The following CRIM1 variants were observed in gnomAD, a reference collection of about 807,000 sequenced individuals.
The protein encoded by CRIM1 is cysteine rich transmembrane BMP regulator 1.
In CRIM1, 32 loss-of-function variants were observed where a neutral mutation model predicts 116.4. The observed-to-expected ratio is 0.27, with a 90% CI of 0.21 to 0.37. The LOEUF is 0.37. CRIM1 is among the 10% of genes least tolerant of loss of function. The pLI is 1.00. For synonymous variants in CRIM1, 590 were observed against 509.2 expected (o/e 1.16, Z -2.13); for missense variants, 1,331 against 1,354.8 (o/e 0.98, Z 0.28).
At chr2:36,397,524 C>A (rs574913693) in intron 2 of CRIM1, among the ~76,000 whole-genome samples, 2 of 152,190 alleles carry the variant, frequency 1.3e-5, no homozygotes, top group South Asian at 4.2e-4. Flanking sequence ...ATTAAACTCT[C>A]GTAGCCCCAG....
At chr2:36,451,243 CA>C (rs975602222) in intron 4 of CRIM1, among the ~76,000 whole-genome samples, 6 of 152,090 alleles carry the variant, frequency 3.9e-5, no homozygotes, top group African/African-American at 1.4e-4. Flanking sequence ...TGACCAATGC[CA>C]GTTTCAAAAA....
At chr2:36,454,529 T>C (rs1040088509) in intron 4 of CRIM1, among the ~76,000 whole-genome samples, 2 of 152,190 alleles carry the variant, frequency 1.3e-5, no homozygotes, top group Non-Finnish European at 2.9e-5. Context: ...CTCTGACTTT[T>C]CTCTAGCTGC....
At chr2:36,391,465 A>G (rs764974126) in intron 1 of CRIM1, among the ~76,000 whole-genome samples, 22 of 152,098 alleles carry the variant, frequency 1.4e-4, no homozygotes, top group Non-Finnish European at 2.6e-4. Context: ...GTGCTGGGAA[A>G]AATCACATGA....
chr2:36,428,386 A>G (rs998210094), intron 2 of CRIM1, among the ~76,000 whole-genome samples: 2 of 152,236 alleles, frequency 1.3e-5, no homozygotes, highest in African/African-American at 4.8e-5. Context: ...TTTGTATGTA[A>G]TATTGATTCC....
chr2:36,436,557 GAAATCAGGTAA>G (rs1318574828), intron 2 of CRIM1, among the ~76,000 whole-genome samples: 1 of 152,154 alleles, frequency 6.6e-6, no homozygotes, highest in Admixed American at 6.5e-5. Context: ...ATCCCTCTTG[GAAATCAGGTAA>G]AAAATGGGAG....
At chr2:36,477,689 C>G (rs1158394219) in intron 6 of CRIM1, among the ~76,000 whole-genome samples, 1 of 152,226 alleles carries the variant, frequency 6.6e-6, no homozygotes, top group Non-Finnish European at 1.5e-5. Context: ...TTCCCCTTTT[C>G]TCTCCAAGAA....
chr2:36,391,610 T>A (rs1256401702), intron 1 of CRIM1, among the ~76,000 whole-genome samples: 1 of 152,196 alleles, frequency 6.6e-6, no homozygotes, highest in Non-Finnish European at 1.5e-5. Flanking sequence ...AGCATTCTTT[T>A]GTTATTCCTT....
intron 1 of CRIM1, among the ~76,000 whole-genome samples, chr2:36,376,067 T>C (rs1670296214): frequency 1.3e-5 from 2 of 151,870 alleles, no homozygotes. Flanking sequence ...GAAAAAAAGG[T>C]TTAGAAAGGG....
At chr2:36,444,148 A>C (rs1203311008) in intron 4 of CRIM1, among the ~76,000 whole-genome samples, 4 of 152,234 alleles carry the variant, frequency 2.6e-5, no homozygotes, top group African/African-American at 4.8e-5. Context: ...GTTGTTAACG[A>C]GGTAGTCCTT....
intron 4 of CRIM1, among the ~76,000 whole-genome samples, chr2:36,445,763 C>G (rs1375553882): frequency 6.6e-6 from 1 of 151,656 alleles, no homozygotes; most frequent in Non-Finnish European, 1.5e-5. Flanking sequence ...AGAATAACAA[C>G]CCAAATAATC....
At chr2:36,419,451 G>C (rs1460737329) in intron 2 of CRIM1, among the ~76,000 whole-genome samples, 1 of 152,152 alleles carries the variant, frequency 6.6e-6, no homozygotes, top group Non-Finnish European at 1.5e-5. Context: ...ATTGCCGCTT[G>C]AAATAGACTC....
At chr2:36,381,256 G>A (rs1332923167) in intron 1 of CRIM1, among the ~76,000 whole-genome samples, 1 of 152,354 alleles carries the variant, frequency 6.6e-6, no homozygotes, top group Non-Finnish European at 1.5e-5. Flanking sequence ...GGGAAGGAGT[G>A]CCCCATGGCC....
At chr2:36,522,645 T>C (rs1430929712) in intron 13 of CRIM1, among the ~76,000 whole-genome samples, 1 of 151,620 alleles carries the variant, frequency 6.6e-6, no homozygotes, top group East Asian at 2.0e-4. Context: ...CTACCAAAAA[T>C]ACAGAAATTA....
intron 1 of CRIM1, among the ~76,000 whole-genome samples, chr2:36,381,243 AG>A (rs1347703045): frequency 1.3e-5 from 2 of 152,012 alleles, no homozygotes; most frequent in Non-Finnish European, 1.5e-5. Flanking sequence ...GACTCGGGGG[AG>A]GGGGAAGGAG....
At chr2:36,438,828 A>T (rs1050261769) in intron 2 of CRIM1, among the ~76,000 whole-genome samples, 7 of 152,216 alleles carry the variant, frequency 4.6e-5, no homozygotes, top group African/African-American at 1.2e-4. Context: ...CTGGAACTGG[A>T]TGGACCAAGT....
intron 1 of CRIM1, among the ~76,000 whole-genome samples, chr2:36,370,905 C>T (rs1669901573): frequency 1.3e-5 from 2 of 152,144 alleles, no homozygotes; most frequent in Admixed American, 1.3e-4. Context: ...TTACTAAAAG[C>T]CCACAGGTAA....
At chr2:36,390,501 C>T (rs967463503) in intron 1 of CRIM1, among the ~76,000 whole-genome samples, 3 of 152,182 alleles carry the variant, frequency 2.0e-5, no homozygotes, top group African/African-American at 7.2e-5. Context: ...AAGATACTTA[C>T]TTTTCATGTG....
At chr2:36,405,409 C>T (rs894432424) in intron 2 of CRIM1, among the ~76,000 whole-genome samples, 2 of 152,206 alleles carry the variant, frequency 1.3e-5, no homozygotes, top group Non-Finnish European at 2.9e-5. Context: ...TGCCCCTACC[C>T]GCTGTCCCAT....
chr2:36,395,513 T>A (rs548524672), intron 1 of CRIM1, among the ~76,000 whole-genome samples: 3 of 152,202 alleles, frequency 2.0e-5, no homozygotes, highest in Admixed American at 6.5e-5. Flanking sequence ...GGCCCAAGGA[T>A]TCACAGAGAG....
Sources: allele counts gnomAD v4.1 joint callset (sites outside exome capture counted in the v4.1 genomes callset), GRCh38; gene constraint gnomAD v4.1.1; transcripts MANE v1.5; gene names NCBI Gene and HGNC (gene_info 2026-07-23, HGNC 2026-07-21).